The following NOD1 variants were observed in gnomAD, a reference collection of about 807,000 sequenced individuals.
NOD1 encodes nucleotide binding oligomerization domain containing 1.
In NOD1, 70 loss-of-function variants were observed where a neutral mutation model predicts 81.2. The observed-to-expected ratio is 0.86, with a 90% CI of 0.71 to 1.05. NOD1 has a LOEUF of 1.05. NOD1 is among the 50% of genes least tolerant of loss of function. The pLI is 0.00. For missense variants in NOD1, 1,233 were observed against 1,228.0 expected (o/e 1.00, Z -0.06); for synonymous variants, 508 against 526.9 (o/e 0.96, Z 0.49).
In NOD1 at chr7:30,448,305, AG is replaced by A. The variant is rs2128040549; in HGVS notation, c.2277del (p.Tyr760IlefsTer37). On this transcript the variant is annotated frameshift_variant, in exon 7 of 14. Transcript: ENST00000222823. LOFTEE classifies it high-confidence loss of function. ...SEELTKYKIV[T>X]YLGLYNNQIT... ...TTCTGGAGAAAGACATACCCCAAAT[AG>A]GTCACAATTTTGTATTTGGTCAGCT... 6.2e-7 allele frequency: 1 copy of A among 1,613,528 alleles called. No individual in the cohort carries two copies. The highest frequency in any genetic ancestry group is 2.2e-5 in the East Asian group (1 of 44,888).
Position 30,447,012 on chromosome 7 carries a change from T to A in NOD1, c.2324A>T (p.Tyr775Phe), listed in dbSNP as rs1172495589. Reference sequence around the variant, plus strand: ...GCATTCATCCAGGATTTTGGTGACGTACCTGGCTCCGACATCGGTGATCTG... The same window carrying A: ...GCATTCATCCAGGATTTTGGTGACGAACCTGGCTCCGACATCGGTGATCTG... ...NNQITDVGAR[Y>F]VTKILDECKG... Residue 775 changes from tyrosine to phenylalanine, a missense_variant, in exon 8 of 14, where the codon TAC (tyrosine) becomes TTC (phenylalanine). Coordinates refer to ENST00000222823, the MANE Select transcript of NOD1 (RefSeq NM_006092.4). 4.3e-6 allele frequency: 7 copies of A among 1,614,218 alleles called. No homozygotes were observed. In the Middle Eastern group the frequency reaches 8.2e-4, roughly 190 times the overall value.
chr7:30,454,313 C>G (rs1383649172), intron 5 of NOD1, among the ~76,000 whole-genome samples: 1 of 152,244 alleles, frequency 6.6e-6, no homozygotes, highest in Non-Finnish European at 1.5e-5. Flanking sequence ...TGCCCCAGAG[C>G]AGATCCTGGC....
Position 30,467,210 on chromosome 7 carries a change from G to A in NOD1, c.-351-7169C>T, listed in dbSNP as rs200374602. On this transcript the variant is annotated intron_variant, in intron 1 of 13. Transcript: ENST00000222823. The surrounding 1 kb of genome is among the most constrained non-coding windows in gnomAD (Gnocchi z 4.5). The stretch of plus-strand genomic sequence containing the variant: ...CCTCCAAATACACAAAGCACTCCAC[G>A]TTCTCTATAGGCATACGCCCGTGAA... Among the ~76,000 whole-genome samples, 11 of 152,116 alleles carry A rather than the reference G, an allele frequency of 7.2e-5. No homozygotes were observed. Among genetic ancestry groups the A allele is most frequent in the East Asian group, 3.8e-4 (2 of 5,206 alleles).
chr7:30,452,755 G>C lies in NOD1; in HGVS notation c.662C>G (p.Thr221Arg), dbSNP rs367963834. Residue 221 changes from threonine (T) to arginine (R), a missense_variant, in exon 6 of 14, where the codon ACG becomes AGG. Thr to Arg is a moderately conservative substitution (Grantham distance 71). Transcript: ENST00000222823. ...TTTGACCCCTGCGTCTAGCCGGCCCGTGGCCCAGAGGCTCTGCAGCCGCTG... is the reference window on the plus strand; with the variant it reads ...TTTGACCCCTGCGTCTAGCCGGCCCCTGGCCCAGAGGCTCTGCAGCCGCTG... ...LLQRLQSLWA[T>R]GRLDAGVKFF... is the part of the protein sequence containing the mutation. The C allele has an allele frequency of 2.5e-6, 4 of 1,614,058 alleles. No individual in the cohort carries two copies. The East Asian group carries it at 6.7e-5, about 27-fold the overall frequency.
At chr7:30,448,269 T>C (rs746054225) in intron 7 of NOD1, 29 bp downstream of exon 7, 17 of 1,535,384 alleles carry the variant, frequency 1.1e-5, no homozygotes, top group Non-Finnish European at 1.4e-5. Context: ...TACTAGGTAG[T>C]TGGCCCAGTG....
At chr7:30,439,348 G>T (rs1011017807) in intron 9 of NOD1, among the ~76,000 whole-genome samples, 10 of 143,104 alleles carry the variant, frequency 7.0e-5, no homozygotes, top group African/African-American at 2.9e-4. Flanking sequence ...GAGGTACCGG[G>T]TTCATCTCAC....
chr7:30,476,548 T>C (rs1158422602), intron 1 of NOD1, among the ~76,000 whole-genome samples: 1 of 152,208 alleles, frequency 6.6e-6, no homozygotes, highest in African/African-American at 2.4e-5. Context: ...TCTGAGGATG[T>C]TGTCAGCAGG....
rs368807489 is a variant in NOD1, at chr7:30,461,225, T to G, written c.-351-1184A>C. 3.3e-5 allele frequency among the ~76,000 whole-genome samples: 5 copies of G among 152,372 alleles called. No homozygotes were observed. The East Asian group carries it at 5.8e-4, about 18-fold the overall frequency. On this transcript the variant is annotated intron_variant, in intron 1 of 13. Transcript: ENST00000222823. ...GTCTCACTCACTCTGTCGCCCAGGCTGGAGTGCGGTGGCGCAATCTCGGCT... is the reference window on the plus strand; with the variant it reads ...GTCTCACTCACTCTGTCGCCCAGGCGGGAGTGCGGTGGCGCAATCTCGGCT...
rs747389054 is a variant in NOD1 at position 30,446,091 on chromosome 7, C to T, written c.2453+50G>A. ...ATGAAAAGAACAGCAAGGCCCGCCC[C>T]CCACACACACAGCAGGTTGTACCAC... On this transcript the variant is annotated intron_variant, in intron 9 of 13. Transcript: ENST00000222823. The T allele has an allele frequency of 5.7e-6, 8 of 1,396,296 alleles. 1 individual carries two copies. In the South Asian group the frequency reaches 9.2e-5, roughly 16 times the overall value. The allele number at this position is 1,396,296 out of a possible 1,614,324, so 86.5% of individuals were successfully genotyped here.
At chr7:30,465,657 C>CTTT (rs11382352) in intron 1 of NOD1, among the ~76,000 whole-genome samples, 12 of 148,550 alleles carry the variant, frequency 8.1e-5, no homozygotes, top group Admixed American at 3.4e-4. Context: ...ATTATTCGCT[C>CTTT]TTTTTTTTTT....
chr7:30,469,667 C>A (rs1562718010), intron 1 of NOD1, among the ~76,000 whole-genome samples: 1 of 149,470 alleles, frequency 6.7e-6, no homozygotes. Context: ...TCAGAGTGCA[C>A]AGAGAGCCAG....
intron 4 of NOD1, 75 bp downstream of exon 4, chr7:30,456,646 C>T: frequency 1.5e-6 from 2 of 1,335,958 alleles, no homozygotes; most frequent in Non-Finnish European, 2.1e-6. Context: ...GCTCTTCACT[C>T]AGATCAGCAG....
chr7:30,477,437 T>G (rs1788895197), intron 1 of NOD1, among the ~76,000 whole-genome samples: 1 of 152,222 alleles, frequency 6.6e-6, no homozygotes, highest in African/African-American at 2.4e-5. Context: ...TAGTTCAATC[T>G]TCAACAGGGG....
intron 1 of NOD1, among the ~76,000 whole-genome samples, chr7:30,462,235 G>A (rs1312139136): frequency 2.0e-5 from 3 of 152,144 alleles, no homozygotes; most frequent in African/African-American, 7.2e-5. Context: ...AAGATAGAGA[G>A]TAAGATACAA....
At chr7:30,446,565 G>A in intron 8 of NOD1, 1 of 404,072 alleles carries the variant, frequency 2.5e-6, no homozygotes, top group Non-Finnish European at 4.5e-6. Flanking sequence ...CAAGGTATGT[G>A]GCCACTGTCA....
At chr7:30,447,218 C>T in intron 7 of NOD1, 168 bp from the exon 8 acceptor site, 1 of 1,062,522 alleles carries the variant, frequency 9.4e-7, no homozygotes, top group Non-Finnish European at 1.4e-6. Flanking sequence ...AGGTTCAAAA[C>T]CAGCTCCACT....
chr7:30,460,391 CCT>C (rs1786906313), intron 1 of NOD1: 17 of 985,318 alleles, frequency 1.7e-5, no homozygotes, highest in Non-Finnish European at 2.0e-5. Flanking sequence ...ACGGTCTGGT[CCT>C]CTCTTCCAGG....
intron 13 of NOD1, among the ~76,000 whole-genome samples, chr7:30,426,537 G>A (rs774497570): frequency 2.0e-5 from 3 of 151,836 alleles, no homozygotes; most frequent in Admixed American, 1.3e-4. Context: ...ACGTACTCTG[G>A]CCTTCTCCAA....
intron 1 of NOD1, among the ~76,000 whole-genome samples, chr7:30,473,802 G>C (rs1463207258): frequency 6.6e-6 from 1 of 152,208 alleles, no homozygotes; most frequent in African/African-American, 2.4e-5. Context: ...TCACTGAGCA[G>C]CTGGGGCAGT....
Sources: allele counts gnomAD v4.1 joint callset (sites outside exome capture counted in the v4.1 genomes callset), GRCh38; gene constraint gnomAD v4.1.1; non-coding constraint Gnocchi (gnomAD v3.1); transcripts MANE v1.5; gene names NCBI Gene and HGNC (gene_info 2026-07-23, HGNC 2026-07-21).